Variants in TJP1 observed in about 807,000 individuals in gnomAD.
TJP1 encodes the protein tight junction protein 1.
In TJP1, 43 loss-of-function variants were observed where a neutral mutation model predicts 194.2. That is an observed-to-expected ratio of 0.22 (90% CI 0.17 to 0.29). The LOEUF is 0.29. TJP1 is among the 10% of genes least tolerant of loss of function. The pLI is 1.00. For missense variants in TJP1, 1,971 were observed against 2,185.7 expected, an observed-to-expected ratio of 0.90 and a Z score of 1.96; for synonymous variants, 801 against 779.0, an observed-to-expected ratio of 1.03 and a Z score of -0.47.
intron 1 of TJP1, among the ~76,000 whole-genome samples, chr15:29,809,253 T>C (rs1382963696): frequency 1.3e-5 from 2 of 152,194 alleles, no homozygotes; most frequent in Admixed American, 1.3e-4. Context: ...TGAAAATTAA[T>C]TTTACCTTAA....
intron 2 of TJP1, among the ~76,000 whole-genome samples, chr15:29,880,918 CT>C (rs2052904583): frequency 6.6e-6 from 1 of 152,178 alleles, no homozygotes; most frequent in South Asian, 2.1e-4. Context: ...GTGCAAATAT[CT>C]CTTCAAGATC....
chr15:29,772,303 T>C, intron 3 of TJP1, 137 bp from the exon 4 acceptor site: 1 of 553,216 alleles, frequency 1.8e-6, no homozygotes, highest in Non-Finnish European at 3.1e-6. Context: ...AGATCAATGA[T>C]AAAATAATGT....
At chr15:29,777,766 C>T (rs1448981825) in intron 2 of TJP1, among the ~76,000 whole-genome samples, 1 of 152,142 alleles carries the variant, frequency 6.6e-6, no homozygotes, top group African/African-American at 2.4e-5. Context: ...TAAAGATACA[C>T]ATACCTCTCT....
chr15:29,710,114 G>C lies in TJP1; in HGVS notation c.4372+717C>G, dbSNP rs182452113. Among the ~76,000 whole-genome samples, 127 of 151,960 alleles carry C rather than the reference G, an allele frequency of 8.4e-4. 1 individual carries two copies. The East Asian group carries it at 0.021, about 25-fold the overall frequency. ...TGAGCTGAGACTGCGCCACTGCACTGTAGCCTGGGCGAGAGCAAGGCTTCG... is the reference window on the plus strand; with the variant it reads ...TGAGCTGAGACTGCGCCACTGCACTCTAGCCTGGGCGAGAGCAAGGCTTCG... On this transcript the variant is annotated intron_variant, in intron 24 of 27. Transcript: ENST00000614355.
At chr15:29,841,729 C>T (rs1034152038) in intron 2 of TJP1, among the ~76,000 whole-genome samples, 2 of 152,152 alleles carry the variant, frequency 1.3e-5, no homozygotes, top group African/African-American at 4.8e-5. Flanking sequence ...CCCTCCCTCC[C>T]CTCCTTTTTC....
chr15:29,824,081 C>CAAAAAAAAAAAAAAAAAAAAAAAAAAAA (rs71416434), upstream of TJP1: 1 of 12,828 alleles, frequency 7.8e-5, no homozygotes, highest in Non-Finnish European at 1.2e-4. Context: ...GACTCTGTCT[C>CAAAAAAAAAAAAAAAAAAAAAAAAAAAA]AAAAAAAAAA....
At chr15:29,827,128 T>C (rs1367188705), upstream of TJP1, among the ~76,000 whole-genome samples, 2 of 152,206 alleles carry the variant, frequency 1.3e-5, no homozygotes, top group Non-Finnish European at 2.9e-5. Context: ...ACTTTCTGTC[T>C]GGTGGCTGCC....
At chr15:29,796,315 T>G (rs2048398222) in intron 2 of TJP1, among the ~76,000 whole-genome samples, 1 of 148,588 alleles carries the variant, frequency 6.7e-6, no homozygotes, top group South Asian at 2.1e-4. Context: ...CTACAACTAG[T>G]AATTTTAAGA....
chr15:29,737,273 T>G lies in TJP1; in HGVS notation c.1398A>C (p.Gln466His). ...TGCAATACTGACATACCCTGAGAAT[T>G]TGATCACCTTCCTCTAAGCCTTCCT... ...AAKEGLEEGD[Q>H]ILRVNNVDFT... The change falls in exon 11 of 28, where the codon CAA (glutamine) becomes CAC (histidine). Residue 466 changes from glutamine to histidine, a missense_variant. Transcript: ENST00000614355. The G allele has an allele frequency of 6.2e-7, 1 of 1,614,028 alleles. No homozygotes were observed. The highest frequency in any genetic ancestry group is 1.1e-5 in the South Asian group (1 of 91,042).
chr15:29,959,946 T>C (rs1256840145), intron 1 of TJP1, among the ~76,000 whole-genome samples: 2 of 152,204 alleles, frequency 1.3e-5, no homozygotes, highest in Non-Finnish European at 2.9e-5. Context: ...CAATGAACTT[T>C]ATTCAAAAGA....
At chr15:29,963,687 C>T (rs2056238211) in intron 1 of TJP1, among the ~76,000 whole-genome samples, 1 of 152,154 alleles carries the variant, frequency 6.6e-6, no homozygotes, top group Non-Finnish European at 1.5e-5. Context: ...CTGAGTCTCG[C>T]TCTGTTGCCA....
At chr15:29,793,244 T>C (rs1428734284) in intron 2 of TJP1, among the ~76,000 whole-genome samples, 1 of 152,242 alleles carries the variant, frequency 6.6e-6, no homozygotes, top group Non-Finnish European at 1.5e-5. Context: ...TGGGTTTATC[T>C]GTCTGTGGCT....
At chr15:29,923,936 G>A (rs182462206) in intron 2 of TJP1, among the ~76,000 whole-genome samples, 2 of 152,332 alleles carry the variant, frequency 1.3e-5, no homozygotes, top group Admixed American at 1.3e-4. Context: ...TCTAATGTGT[G>A]TGAGTTTCAC....
chr15:29,937,878 G>A (rs2054935582), intron 2 of TJP1, among the ~76,000 whole-genome samples: 1 of 152,166 alleles, frequency 6.6e-6, no homozygotes, highest in African/African-American at 2.4e-5. Context: ...ATTATCAAAT[G>A]CTAAATCTAG....
intron 8 of TJP1, 85 bp downstream of exon 8, chr15:29,761,054 T>G: frequency 7.1e-7 from 1 of 1,405,334 alleles, no homozygotes; most frequent in Non-Finnish European, 9.5e-7. Flanking sequence ...GAAATACATC[T>G]TTTAATTTTA....
chr15:29,706,420 T>C (rs1480679371), intron 25 of TJP1, among the ~76,000 whole-genome samples: 2 of 152,134 alleles, frequency 1.3e-5, no homozygotes, highest in Non-Finnish European at 2.9e-5. Flanking sequence ...AAATCTGAAA[T>C]GCTCCAAAAT....
At chr15:29,949,518 C>T (rs1000288154) in intron 2 of TJP1, among the ~76,000 whole-genome samples, 17 of 133,018 alleles carry the variant, frequency 1.3e-4, no homozygotes, top group Non-Finnish European at 1.6e-4. Context: ...ACCTCCACCT[C>T]CACCACCACC....
At chr15:29,902,616 C>T (rs2053668093) in intron 2 of TJP1, among the ~76,000 whole-genome samples, 1 of 152,146 alleles carries the variant, frequency 6.6e-6, no homozygotes, top group South Asian at 2.1e-4. Context: ...TGCACTAAGG[C>T]ATCATTTGCT....
chr15:29,952,639 A>T (rs2055793056), intron 2 of TJP1, among the ~76,000 whole-genome samples: 2 of 152,210 alleles, frequency 1.3e-5, no homozygotes, highest in Non-Finnish European at 2.9e-5. Context: ...TGGAAAAATT[A>T]AAAGTAAAAT....
Sources: allele counts gnomAD v4.1 joint callset (sites outside exome capture counted in the v4.1 genomes callset), GRCh38; gene constraint gnomAD v4.1.1; transcripts MANE v1.5; gene names NCBI Gene and HGNC (gene_info 2026-07-23, HGNC 2026-07-21).